LDB2: variants seen among roughly 807,000 people sequenced by gnomAD.
LDB2 encodes the protein LIM domain-binding protein 2.
A neutral mutation model predicts 44.3 loss-of-function variants in LDB2; 12 were observed. The ratio of observed to expected loss-of-function variants is 0.27; its 90% CI spans 0.17 to 0.44. LDB2 has a LOEUF of 0.44. Ranked by LOEUF, LDB2 falls within the 20% of genes least tolerant of loss-of-function variation. LDB2 has a pLI of 1.00. For missense variants in LDB2, 344 were observed against 473.5 expected, an observed-to-expected ratio of 0.73 and a Z score of 2.54; for synonymous variants, 164 against 174.8, an observed-to-expected ratio of 0.94 and a Z score of 0.49.
chr4:16,757,341 G>A (rs1561121813), intron 2 of LDB2, among the ~76,000 whole-genome samples: 1 of 152,094 alleles, frequency 6.6e-6, no homozygotes, highest in African/African-American at 2.4e-5. Flanking sequence ...TTCTCCACTC[G>A]GGAAATATTT....
intron 1 of LDB2, among the ~76,000 whole-genome samples, chr4:16,883,270 C>T (rs945413853): frequency 1.3e-5 from 2 of 152,196 alleles, no homozygotes; most frequent in African/African-American, 4.8e-5. Context: ...AATCAGCAGT[C>T]CATCTAACTG....
At chr4:16,690,803 A>T (rs1325891344) in intron 2 of LDB2, among the ~76,000 whole-genome samples, 1 of 152,142 alleles carries the variant, frequency 6.6e-6, no homozygotes, top group Non-Finnish European at 1.5e-5. Flanking sequence ...ATTTAAGTCA[A>T]ACTGTGGTAA....
intron 2 of LDB2, among the ~76,000 whole-genome samples, chr4:16,755,011 C>A (rs57183030): frequency 6.6e-6 from 1 of 152,164 alleles, no homozygotes; most frequent in Non-Finnish European, 1.5e-5. Flanking sequence ...TCCTTCTCCA[C>A]GTATCTCTCC....
chr4:16,538,430 A>AAAAACAAAAC (rs1267559767), intron 5 of LDB2, among the ~76,000 whole-genome samples: 1 of 151,944 alleles, frequency 6.6e-6, no homozygotes, highest in African/African-American at 2.4e-5. Context: ...AAACAAAAAC[A>AAAAACAAAAC]AAAACAAAAC....
chr4:16,845,270 C>T (rs554205677), intron 1 of LDB2, among the ~76,000 whole-genome samples: 3 of 152,280 alleles, frequency 2.0e-5, no homozygotes, highest in East Asian at 1.9e-4. Context: ...ATTAAAGAGC[C>T]GTTTTGGTAA....
chr4:16,692,207 A>G (rs949925023), intron 2 of LDB2, among the ~76,000 whole-genome samples: 4 of 152,218 alleles, frequency 2.6e-5, no homozygotes, highest in Admixed American at 6.5e-5. Context: ...ATGCGTACAT[A>G]AACTTATGAG....
chr4:16,858,821 G>A (rs368305546), intron 1 of LDB2, among the ~76,000 whole-genome samples: 7 of 152,172 alleles, frequency 4.6e-5, no homozygotes, highest in Non-Finnish European at 7.4e-5. Context: ...TACAAACTGC[G>A]TCAATACACA....
intron 1 of LDB2, among the ~76,000 whole-genome samples, chr4:16,875,168 T>C (rs1022005626): frequency 1.3e-5 from 2 of 152,040 alleles, no homozygotes; most frequent in Non-Finnish European, 2.9e-5. Flanking sequence ...GGAAACATAG[T>C]GTCTGGGGAA....
chr4:16,594,300 TA>T (rs1720132541), intron 3 of LDB2, among the ~76,000 whole-genome samples: 2 of 152,210 alleles, frequency 1.3e-5, no homozygotes, highest in Admixed American at 1.3e-4. Context: ...CAAGATTATG[TA>T]AATGTTCTGC....
intron 2 of LDB2, among the ~76,000 whole-genome samples, chr4:16,704,985 G>T (rs533282803): frequency 1.3e-5 from 2 of 152,278 alleles, no homozygotes; most frequent in African/African-American, 2.4e-5. Flanking sequence ...GATGCATGAG[G>T]ATCTTTGGCT....
intron 1 of LDB2, among the ~76,000 whole-genome samples, chr4:16,893,520 C>T (rs926525132): frequency 1.3e-5 from 2 of 151,124 alleles, no homozygotes; most frequent in African/African-American, 4.9e-5. Context: ...CCCCTCCTCC[C>T]CACCCCCTCC....
At chr4:16,568,533 G>A (rs187436045) in intron 5 of LDB2, among the ~76,000 whole-genome samples, 5 of 152,170 alleles carry the variant, frequency 3.3e-5, no homozygotes, top group South Asian at 2.1e-4. Flanking sequence ...AACCCATCCC[G>A]AAACCCATTT....
At chr4:16,729,279 C>G (rs180922078) in intron 2 of LDB2, among the ~76,000 whole-genome samples, 9 of 152,268 alleles carry the variant, frequency 5.9e-5, no homozygotes, top group East Asian at 1.9e-4. Context: ...TTTAAAAAAG[C>G]CTTTATAAGC....
intron 1 of LDB2, among the ~76,000 whole-genome samples, chr4:16,772,157 C>T (rs1302285810): frequency 1.3e-5 from 2 of 152,170 alleles, no homozygotes; most frequent in Non-Finnish European, 2.9e-5. Context: ...TCTCTTTCTC[C>T]TCATTCAAAT....
At chr4:16,847,913 G>A (rs1271048192) in intron 1 of LDB2, among the ~76,000 whole-genome samples, 1 of 152,196 alleles carries the variant, frequency 6.6e-6, no homozygotes, top group Admixed American at 6.5e-5. Context: ...ACCGCGCCCA[G>A]CCTAACACAT....
At chr4:16,763,816 CTCT>C (rs1271906954) in intron 1 of LDB2, among the ~76,000 whole-genome samples, 3 of 151,962 alleles carry the variant, frequency 2.0e-5, no homozygotes, top group African/African-American at 7.2e-5. Flanking sequence ...TGATTTCTGC[CTCT>C]TAATAGCTGG....
chr4:16,791,556 G>GGAAAACAAAAAAAAA (rs781574671), intron 1 of LDB2, among the ~76,000 whole-genome samples: 1 of 59,000 alleles, frequency 1.7e-5, no homozygotes, highest in African/African-American at 6.7e-5. Flanking sequence ...CTCTGGCTCA[G>GGAAAACAAAAAAAAA]AAAAAAAAAA....
chr4:16,586,522 ACAC>A (rs1249432757), intron 4 of LDB2, among the ~76,000 whole-genome samples: 1,490 of 86,976 alleles, frequency 0.017, 18 homozygotes, highest in East Asian at 0.071. Flanking sequence ...ACACACACAC[ACAC>A]AAAACACACA....
At chr4:16,634,876 G>A (rs1450172696) in intron 2 of LDB2, among the ~76,000 whole-genome samples, 2 of 152,198 alleles carry the variant, frequency 1.3e-5, no homozygotes, top group Non-Finnish European at 2.9e-5. Flanking sequence ...CAATAGCAAA[G>A]ACTTGGAACT....
Sources: allele counts gnomAD v4.1 joint callset (sites outside exome capture counted in the v4.1 genomes callset), GRCh38; gene constraint gnomAD v4.1.1; transcripts MANE v1.5; gene names NCBI Gene and HGNC (gene_info 2026-07-23, HGNC 2026-07-21).